TNFSF4: variants seen among roughly 807,000 people sequenced by gnomAD.
TNFSF4 encodes the protein TNF superfamily member 4.
Under a neutral mutation model 7.3 loss-of-function variants are expected in TNFSF4, and 4 were observed. That is an observed-to-expected ratio of 0.55 (90% confidence interval 0.27 to 1.25). The LOEUF is 1.25. Among genes scored for constraint, TNFSF4 ranks in the 50% most tolerant of loss-of-function variants. The pLI is 0.12. For missense variants in TNFSF4, 181 were observed against 208.8 expected, an observed-to-expected ratio of 0.87 and a Z score of 0.82; for synonymous variants, 76 against 83.7, an observed-to-expected ratio of 0.91 and a Z score of 0.50.
At chr1:173,253,727 A>T in the TNFSF4 span, among the ~76,000 whole-genome samples, 1 of 152,198 alleles carries the variant, frequency 6.6e-6, no homozygotes, top group Non-Finnish European at 1.5e-5. Context: ...TAGCTGGATA[A>T]GCTCCTCTGA....
chr1:173,336,312 T>G, the TNFSF4 span, among the ~76,000 whole-genome samples: 1 of 152,238 alleles, frequency 6.6e-6, no homozygotes, highest in Non-Finnish European at 1.5e-5. Flanking sequence ...TTGCCTATTT[T>G]GGCTGTGCAA....
the TNFSF4 span, among the ~76,000 whole-genome samples, chr1:173,232,840 G>C: frequency 6.6e-6 from 1 of 152,158 alleles, no homozygotes; most frequent in Non-Finnish European, 1.5e-5. Context: ...TGGTGGATAA[G>C]CTCTTTGTTG....
chr1:173,188,496 C>A lies in TNFSF4; in HGVS notation c.202+25G>T, dbSNP rs45499993. On this transcript the variant is annotated intron_variant, in intron 2 of 2. Transcript: ENST00000281834. Reference sequence around the variant, plus strand: ...AGAAGATTCTTTCAAAAATATGAATCAATTAAACTTTTGACAATACTTACC... The same window carrying A: ...AGAAGATTCTTTCAAAAATATGAATAAATTAAACTTTTGACAATACTTACC... The A allele has an allele frequency of 2.7e-3, 4,207 of 1,559,870 alleles. 71 individuals carry two copies. The East Asian group carries it at 0.042, about 15-fold the overall frequency.
chr1:173,364,556 A>T, the TNFSF4 span, among the ~76,000 whole-genome samples: 1 of 152,068 alleles, frequency 6.6e-6, no homozygotes, highest in African/African-American at 2.4e-5. Context: ...TATAATTTTT[A>T]AATAATTTGT....
At chr1:173,211,012 T>G (rs1229114663), upstream of TNFSF4, among the ~76,000 whole-genome samples, 1 of 152,236 alleles carries the variant, frequency 6.6e-6, no homozygotes, top group East Asian at 1.9e-4. Flanking sequence ...GGGGGTGCCT[T>G]GTTCTAAAAC....
the TNFSF4 span, among the ~76,000 whole-genome samples, chr1:173,410,702 A>C: frequency 6.6e-6 from 1 of 152,180 alleles, no homozygotes; most frequent in Non-Finnish European, 1.5e-5. Flanking sequence ...GAAATGAGGG[A>C]GTCAGAAGTG....
the TNFSF4 span, among the ~76,000 whole-genome samples, chr1:173,273,671 A>G: frequency 2.3e-4 from 35 of 152,114 alleles, no homozygotes; most frequent in Non-Finnish European, 3.4e-4. Context: ...AAATTAGACC[A>G]TAATAGCCAT....
At chr1:173,300,589 G>A in the TNFSF4 span, among the ~76,000 whole-genome samples, 6 of 151,732 alleles carry the variant, frequency 4.0e-5, no homozygotes, top group Non-Finnish European at 5.9e-5. Context: ...CTGGATTTGC[G>A]ATGCTACAGG....
intron 1 of TNFSF4, 116 bp downstream of exon 1, chr1:173,206,908 G>A: frequency 1.6e-6 from 2 of 1,226,522 alleles, no homozygotes; most frequent in Non-Finnish European, 2.2e-6. Context: ...TGTGGGGAGA[G>A]GGAAAAAAAA....
chr1:173,238,269 T>G, the TNFSF4 span, among the ~76,000 whole-genome samples: 1 of 152,130 alleles, frequency 6.6e-6, no homozygotes, highest in East Asian at 1.9e-4. Context: ...ATTAAAGACC[T>G]AAATGCAAAA....
At chr1:173,324,388 A>G in the TNFSF4 span, among the ~76,000 whole-genome samples, 11 of 152,318 alleles carry the variant, frequency 7.2e-5, no homozygotes, top group East Asian at 1.5e-3. Context: ...AGGAACAACC[A>G]GTACCAGCCA....
At chr1:173,206,694 TG>T (rs1272269701) in intron 1 of TNFSF4, among the ~76,000 whole-genome samples, 1 of 152,208 alleles carries the variant, frequency 6.6e-6, no homozygotes, top group Admixed American at 6.5e-5. Context: ...ACTATCACAA[TG>T]GGTAGACCAG....
the TNFSF4 span, among the ~76,000 whole-genome samples, chr1:173,173,965 C>T: frequency 1.3e-5 from 2 of 152,256 alleles, no homozygotes; most frequent in Non-Finnish European, 2.9e-5. Flanking sequence ...GCTTGAATTT[C>T]TCCCCAGAAA....
the TNFSF4 span, among the ~76,000 whole-genome samples, chr1:173,289,835 T>C: frequency 1.3e-5 from 2 of 151,800 alleles, no homozygotes; most frequent in African/African-American, 4.8e-5. Flanking sequence ...CACCTAAACC[T>C]AAGTACCAAG....
At chr1:173,229,627 C>T in the TNFSF4 span, among the ~76,000 whole-genome samples, 50 of 152,286 alleles carry the variant, frequency 3.3e-4, no homozygotes, top group Non-Finnish European at 5.7e-4. Context: ...AATTAAAAGA[C>T]ACAGACTGGC....
At chr1:173,247,225 A>G in the TNFSF4 span, among the ~76,000 whole-genome samples, 4 of 152,196 alleles carry the variant, frequency 2.6e-5, no homozygotes, top group South Asian at 2.1e-4. Flanking sequence ...ACTGAGTATC[A>G]CTGCAACTAG....
chr1:173,443,955 T>C, the TNFSF4 span, among the ~76,000 whole-genome samples: 2 of 152,186 alleles, frequency 1.3e-5, no homozygotes, highest in African/African-American at 4.8e-5. Context: ...ATCTAAGCCA[T>C]TAGCCTATAG....
the TNFSF4 span, among the ~76,000 whole-genome samples, chr1:173,361,026 A>T: frequency 6.6e-6 from 1 of 152,216 alleles, no homozygotes; most frequent in Non-Finnish European, 1.5e-5. Flanking sequence ...TAGAGAGATG[A>T]AGAAAATCAT....
chr1:173,349,554 G>A, the TNFSF4 span, among the ~76,000 whole-genome samples: 1 of 152,162 alleles, frequency 6.6e-6, no homozygotes, highest in Non-Finnish European at 1.5e-5. Context: ...CCGACAAAGT[G>A]GCCTTCACTG....
Sources: gnomAD v4.1 joint callset for allele counts (sites outside exome capture counted in the v4.1 genomes callset) on GRCh38, gnomAD v4.1.1 for gene constraint, MANE v1.5 for transcripts, NCBI Gene and HGNC (gene_info 2026-07-23, HGNC 2026-07-21) for gene names.